MCTP1: variants seen among roughly 807,000 people sequenced by gnomAD.
MCTP1 encodes the protein multiple C2 and transmembrane domain containing 1, also known as multiple C2 and transmembrane domain-containing protein 1.
In MCTP1, 69 loss-of-function variants were observed where a neutral mutation model predicts 120.6. The observed-to-expected ratio is 0.57, with a 90% confidence interval of 0.47 to 0.70. The LOEUF (loss-of-function observed/expected upper bound fraction) is 0.70. Ranked by LOEUF, MCTP1 falls within the 30% of genes least tolerant of loss-of-function variation. MCTP1 has a pLI of 0.00. For missense variants in MCTP1, 1,203 were observed against 1,248.8 expected, an observed-to-expected ratio of 0.96 and a Z score of 0.55; for synonymous variants, 529 against 493.1, an observed-to-expected ratio of 1.07 and a Z score of -0.96.
Position 94,856,147 on chromosome 5 carries a change from A to G in MCTP1, c.2436+12186T>C, listed in dbSNP as rs374007029. 1.3e-4 allele frequency among the ~76,000 whole-genome samples: 19 copies of G among 151,886 alleles called. No homozygotes were observed. The East Asian group carries it at 3.7e-3, about 29-fold the overall frequency. ...AACACTATGACATTTTTATTAACTC[A>G]TAATCCCTGTGCTAACAGTGGTGCA... is the stretch of plus-strand genomic sequence containing the variant. On this transcript the variant is annotated intron_variant, in intron 17 of 22. Transcript: ENST00000515393.
At chr5:94,972,859 T>C (rs1428017752) in intron 2 of MCTP1, among the ~76,000 whole-genome samples, 3 of 152,060 alleles carry the variant, frequency 2.0e-5, no homozygotes, top group Non-Finnish European at 4.4e-5. Context: ...TGAACCAGCT[T>C]TTCCCATAGC....
intron 1 of MCTP1, among the ~76,000 whole-genome samples, chr5:95,127,197 A>T (rs1001934981): frequency 2.0e-5 from 3 of 152,134 alleles, no homozygotes; most frequent in Non-Finnish European, 4.4e-5. Context: ...AGAAACCAGC[A>T]TTAGATCTAA....
At chr5:95,047,783 C>G (rs1482407795) in intron 1 of MCTP1, among the ~76,000 whole-genome samples, 3 of 151,882 alleles carry the variant, frequency 2.0e-5, no homozygotes, top group Non-Finnish European at 4.4e-5. Context: ...CTCCCACCCT[C>G]TACCTCTATT....
chr5:94,713,918 TAACA>T (rs142144823), intron 20 of MCTP1, among the ~76,000 whole-genome samples: 1,827 of 152,280 alleles, frequency 0.012, 39 homozygotes, highest in African/African-American at 0.043. Context: ...TGGCTATGAA[TAACA>T]AACAATGAAG....
intron 19 of MCTP1, among the ~76,000 whole-genome samples, chr5:94,718,082 C>T (rs1334738065): frequency 6.6e-6 from 1 of 152,108 alleles, no homozygotes; most frequent in Non-Finnish European, 1.5e-5. Context: ...AAGAACAAAG[C>T]TGGAGGCATC....
chr5:95,060,057 G>T lies in MCTP1; in HGVS notation c.721-42573C>A, dbSNP rs146758671. 7.9e-5 allele frequency among the ~76,000 whole-genome samples: 12 copies of T among 152,280 alleles called. No individual in the cohort carries two copies. In the East Asian group the frequency reaches 2.3e-3, roughly 29 times the overall value. On this transcript the variant is annotated intron_variant, in intron 1 of 22. Transcript: ENST00000515393. ...ATTCAAGGAGTCATTTTGGAAATAA[G>T]TGTTTTTCGAAGGTCACAGATCCCA... is the stretch of plus-strand genomic sequence containing the variant.
chr5:95,203,789 A>T (rs1751327800), intron 1 of MCTP1, among the ~76,000 whole-genome samples: 1 of 152,236 alleles, frequency 6.6e-6, no homozygotes, highest in South Asian at 2.1e-4. Context: ...TATGTGAGTA[A>T]AAAGCATTAA....
chr5:94,802,001 T>C (rs879140628), intron 17 of MCTP1, among the ~76,000 whole-genome samples: 1 of 152,192 alleles, frequency 6.6e-6, no homozygotes, highest in Admixed American at 6.5e-5. Flanking sequence ...CATAAATGCC[T>C]AAGGTATTTT....
At chr5:94,988,528 A>T (rs781195115) in intron 2 of MCTP1, among the ~76,000 whole-genome samples, 6 of 151,150 alleles carry the variant, frequency 4.0e-5, no homozygotes, top group Non-Finnish European at 8.8e-5. Flanking sequence ...TGTTCATTGG[A>T]TGCTATAAAA....
chr5:94,977,689 G>A (rs546306535), intron 2 of MCTP1, among the ~76,000 whole-genome samples: 1 of 152,064 alleles, frequency 6.6e-6, no homozygotes. Context: ...TTCAACAAGG[G>A]TGCCAGGAAT....
chr5:94,710,922 A>G lies in MCTP1; in HGVS notation c.2726T>C (p.Phe909Ser), dbSNP rs754984567. ...ASFGERIKNT[F>S]NWTVPFLSWL... ...GCTTAAGAATGGGACAGTCCAGTTG[A>G]AAGTACTGAATGGAAAATTAACACA... The change falls in exon 21 of 23, where the codon TTC becomes TCC. Residue 909 changes from phenylalanine to serine, a missense_variant. Transcript: ENST00000515393. The G allele has an allele frequency of 6.2e-7, 1 of 1,608,008 alleles. No individual in the cohort carries two copies. Among genetic ancestry groups the G allele is most frequent in the East Asian group, 2.2e-5 (1 of 44,762 alleles).
chr5:94,795,121 C>T (rs865793943), intron 18 of MCTP1, among the ~76,000 whole-genome samples: 3 of 152,150 alleles, frequency 2.0e-5, no homozygotes, highest in South Asian at 4.1e-4. Flanking sequence ...CAATAGACCC[C>T]TGGTTTGCTT....
At chr5:95,195,450 G>C (rs1253667821) in intron 1 of MCTP1, among the ~76,000 whole-genome samples, 1 of 152,204 alleles carries the variant, frequency 6.6e-6, no homozygotes, top group Non-Finnish European at 1.5e-5. Context: ...ATGGTGGGTA[G>C]CACAGGAAAT....
At chr5:95,056,150 G>C (rs1747337927) in intron 1 of MCTP1, among the ~76,000 whole-genome samples, 1 of 152,174 alleles carries the variant, frequency 6.6e-6, no homozygotes, top group African/African-American at 2.4e-5. Context: ...AATTGTGAAT[G>C]TAATGAGTTC....
chr5:95,150,929 A>G (rs1359635101), intron 1 of MCTP1, among the ~76,000 whole-genome samples: 1 of 152,094 alleles, frequency 6.6e-6, no homozygotes, highest in African/African-American at 2.4e-5. Context: ...CATATGTTGT[A>G]ATGTATACTG....
At chr5:94,926,880 A>C (rs1308717263) in intron 6 of MCTP1, among the ~76,000 whole-genome samples, 1 of 152,126 alleles carries the variant, frequency 6.6e-6, no homozygotes, top group Non-Finnish European at 1.5e-5. Flanking sequence ...AACATCCTAG[A>C]CCTGAAACAC....
intron 19 of MCTP1, among the ~76,000 whole-genome samples, chr5:94,773,167 CAAG>C (rs1167438987): frequency 1.3e-5 from 2 of 152,214 alleles, no homozygotes; most frequent in East Asian, 3.9e-4. Flanking sequence ...TAGGAGAAAA[CAAG>C]AAGAAATAGC....
chr5:95,262,048 C>T (rs569717362), intron 1 of MCTP1, among the ~76,000 whole-genome samples: 27 of 152,318 alleles, frequency 1.8e-4, no homozygotes, highest in African/African-American at 6.0e-4. Context: ...TGTCCTGAGG[C>T]CAACGGCAAT....
chr5:95,086,621 A>T (rs1755460621), intron 1 of MCTP1, among the ~76,000 whole-genome samples: 1 of 152,230 alleles, frequency 6.6e-6, no homozygotes, highest in Non-Finnish European at 1.5e-5. Flanking sequence ...TATTTTCCCA[A>T]ACCAATAACT....
Sources: allele counts gnomAD v4.1 joint callset (sites outside exome capture counted in the v4.1 genomes callset), GRCh38; gene constraint gnomAD v4.1.1; transcripts MANE v1.5; gene names NCBI Gene and HGNC (gene_info 2026-07-23, HGNC 2026-07-21).